The following ARHGEF33 variants were observed in gnomAD, a reference collection of about 807,000 sequenced individuals.
ARHGEF33 encodes the protein Rho guanine nucleotide exchange factor 33.
A neutral mutation model predicts 101.9 loss-of-function variants in ARHGEF33; 72 were observed. The ratio of observed to expected loss-of-function variants is 0.71; its 90% CI spans 0.58 to 0.86. ARHGEF33 has a LOEUF of 0.86. Among genes scored for constraint, ARHGEF33 ranks in the 40% least tolerant of loss-of-function variants. ARHGEF33 has a pLI of 0.00. For missense variants in ARHGEF33, 1,169 were observed against 1,111.3 expected, an observed-to-expected ratio of 1.05 and a Z score of -0.74; for synonymous variants, 499 against 442.5, an observed-to-expected ratio of 1.13 and a Z score of -1.60.
intron 16 of ARHGEF33, among the ~76,000 whole-genome samples, chr2:38,963,845 C>T (rs867937708): frequency 1.1e-4 from 16 of 152,048 alleles, no homozygotes; most frequent in South Asian, 4.2e-4. Flanking sequence ...CAGTGGTCCC[C>T]GACTTTTTTG....
chr2:38,920,976 A>T (rs1383818227), intron 3 of ARHGEF33, among the ~76,000 whole-genome samples: 1 of 152,130 alleles, frequency 6.6e-6, no homozygotes, highest in Admixed American at 6.5e-5. Flanking sequence ...TGAGGTCACT[A>T]AGTGCCTGGT....
In ARHGEF33 at chr2:38,960,136, G is replaced by C; in HGVS notation, c.1831G>C (p.Ala611Pro). The C allele has an allele frequency of 6.5e-7, 1 of 1,542,574 alleles. No homozygotes were observed. Among genetic ancestry groups the C allele is most frequent in the South Asian group, 1.2e-5 (1 of 83,952 alleles). ...LLPDARGFVP[A>P]AYEEFEYGGE... ...GCCCGATGCCCGCGGCTTCGTGCCC[G>C]CGGCCTACGAAGAGTTCGAGTACGG... Residue 611 changes from alanine (A) to proline (P), a missense_variant, in exon 16 of 18, where the codon GCG becomes CCG. Ala to Pro is a conservative substitution (Grantham distance 27). Coordinates refer to ENST00000409978, the MANE Select transcript of ARHGEF33 (RefSeq NM_001145451.5).
chr2:38,935,075 C>T (rs949383948), intron 7 of ARHGEF33, among the ~76,000 whole-genome samples: 1 of 150,660 alleles, frequency 6.6e-6, no homozygotes, highest in Non-Finnish European at 1.5e-5. Context: ...AAACAGCAGG[C>T]ATGAGTTGGG....
Position 38,956,902 on chromosome 2 carries a change from G to A in ARHGEF33, c.1225G>A (p.Val409Ile), listed in dbSNP as rs912428632. 6 of 1,552,218 alleles carry A rather than the reference G, an allele frequency of 3.9e-6. No homozygotes were observed. In the East Asian group the frequency reaches 7.3e-5, roughly 19 times the overall value. ...IPEYLIHLQN[V>I]LKFTEQEHPD... ...CTTCCTTTTCCCCTCCATCCAGAAC[G>A]TCCTGAAGTTCACAGAGCAGGAGCA... Residue 409 changes from valine (V) to isoleucine (I), a missense_variant, in exon 14 of 18, where the codon GTC becomes ATC. Coordinates refer to ENST00000409978, the MANE Select transcript of ARHGEF33 (RefSeq NM_001145451.5).
At position 38,974,023 on chromosome 2, in the gene ARHGEF33, A is replaced by G. The variant is rs1668223938; in HGVS notation, c.*180A>G. 3 of 328,164 alleles carry G rather than the reference A, an allele frequency of 9.1e-6. No individual in the cohort carries two copies. The highest frequency in any genetic ancestry group is 1.4e-5 in the Non-Finnish European group (3 of 219,256). 20.3% of individuals were successfully genotyped at this position (328,164 alleles called of 1,614,324 possible). On this transcript the variant is annotated 3_prime_UTR_variant, in exon 18 of 18. Transcript: ENST00000409978. ...ACTAAACATACAAGACATTGAAGAG[A>G]TGAAGATTAGTTTCTGGTTAAGATC...
chr2:38,950,327 G>T (rs1205335048), intron 10 of ARHGEF33, among the ~76,000 whole-genome samples: 5 of 152,182 alleles, frequency 3.3e-5, no homozygotes, highest in African/African-American at 9.7e-5. Flanking sequence ...AGACTATTTT[G>T]CACATCAAAT....
intron 15 of ARHGEF33, 82 bp downstream of exon 15, chr2:38,958,280 G>C: frequency 6.7e-7 from 1 of 1,490,416 alleles, no homozygotes; most frequent in Non-Finnish European, 9.0e-7. Flanking sequence ...GGGCAGCCTA[G>C]ATTCCTCCAT....
At chr2:38,950,466 T>G (rs1667570518) in intron 10 of ARHGEF33, among the ~76,000 whole-genome samples, 1 of 152,224 alleles carries the variant, frequency 6.6e-6, no homozygotes. Flanking sequence ...TATTTATTTA[T>G]TTTGAGACAG....
intron 13 of ARHGEF33, 63 bp from the exon 14 acceptor site, chr2:38,956,836 G>A: frequency 6.5e-7 from 1 of 1,527,826 alleles, no homozygotes; most frequent in South Asian, 1.2e-5. Flanking sequence ...GTGAGGTGCA[G>A]AAGAGAAAAA....
rs775279111 is a variant in ARHGEF33, at chr2:38,973,825, C to G, written c.2595C>G (p.Asp865Glu). The change falls in exon 18 of 18, where the codon GAC (aspartate) becomes GAG (glutamate). Residue 865 changes from aspartate to glutamate, a missense_variant. Transcript: ENST00000409978. ...GACTTGCTCTTGCAAATGACCTTGA[C>G]CAAGGAACAGCTGTGTAAAACATAC... is the stretch of plus-strand genomic sequence containing the variant. ...RNRLALANDL[D>E]QGTAV 6.5e-7 allele frequency: 1 copy of G among 1,548,080 alleles called. No individual in the cohort carries two copies. Among genetic ancestry groups the G allele is most frequent in the South Asian group, 1.2e-5 (1 of 83,890 alleles).
At chr2:38,945,896 C>T (rs1434744989) in intron 10 of ARHGEF33, among the ~76,000 whole-genome samples, 1 of 152,132 alleles carries the variant, frequency 6.6e-6, no homozygotes, top group Non-Finnish European at 1.5e-5. Flanking sequence ...AGCTTAAAGC[C>T]GCAGAACCAA....
rs144956995 is a variant in ARHGEF33, at chr2:38,961,581, A to T, written c.2343+933A>T. On this transcript the variant is annotated intron_variant, in intron 16 of 17. Coordinates refer to ENST00000409978, the MANE Select transcript of ARHGEF33 (RefSeq NM_001145451.5). The stretch of plus-strand genomic sequence containing the variant: ...CAACTATTCTCATTTTCGAATGGAA[A>T]CAGTGATGACACTGACTTTTCTCAT... Among the ~76,000 whole-genome samples, 322 of 152,318 alleles carry T rather than the reference A, an allele frequency of 2.1e-3. 4 individuals are homozygous for T. The highest frequency in any genetic ancestry group is 6.8e-3 in the African/African-American group (283 of 41,548).
intron 2 of ARHGEF33, among the ~76,000 whole-genome samples, chr2:38,896,305 AT>A (rs1272513428): frequency 2.0e-5 from 3 of 151,952 alleles, no homozygotes; most frequent in African/African-American, 7.3e-5. Context: ...TGCCCAGCTA[AT>A]TTTTGTATTT....
chr2:38,954,023 A>G (rs765001718), intron 12 of ARHGEF33, among the ~76,000 whole-genome samples: 32 of 152,210 alleles, frequency 2.1e-4, no homozygotes, highest in Non-Finnish European at 4.4e-4. Context: ...TTACTACACC[A>G]TTGTCATGAT....
chr2:38,903,106 C>T (rs1215671669), intron 2 of ARHGEF33, among the ~76,000 whole-genome samples: 2 of 152,256 alleles, frequency 1.3e-5, no homozygotes, highest in South Asian at 2.1e-4. Flanking sequence ...TCCCTTATAG[C>T]CCAGGATTTC....
chr2:38,896,578 G>C (rs142739209), intron 2 of ARHGEF33, among the ~76,000 whole-genome samples: 5 of 152,164 alleles, frequency 3.3e-5, no homozygotes, highest in African/African-American at 9.7e-5. Context: ...TGTGGGCTAG[G>C]TAACTATTAT....
intron 2 of ARHGEF33, among the ~76,000 whole-genome samples, chr2:38,914,990 G>A (rs1666601271): frequency 6.6e-6 from 1 of 151,366 alleles, no homozygotes; most frequent in African/African-American, 2.4e-5. Flanking sequence ...TATTTTATCT[G>A]TACAACAATA....
At chr2:38,940,228 T>G (rs1558435629) in intron 9 of ARHGEF33, among the ~76,000 whole-genome samples, 1 of 152,226 alleles carries the variant, frequency 6.6e-6, no homozygotes, top group Non-Finnish European at 1.5e-5. Context: ...TCTTGAATTT[T>G]TCTTAGCAAT....
At position 38,929,615 on chromosome 2, in the gene ARHGEF33, A is replaced by G. The variant is rs567168614; in HGVS notation, c.241-94A>G. The G allele has an allele frequency of 2.9e-4, 288 of 984,636 alleles. 1 individual carries two copies. Among genetic ancestry groups the G allele is most frequent in the Non-Finnish European group, 3.8e-4 (278 of 728,296 alleles). 61.0% of individuals were successfully genotyped at this position (984,636 alleles called of 1,614,324 possible). Reference sequence around the variant, plus strand: ...TCTCATTCATTCATTCATTCATTCAATAAATATGTATTAAAAGTGTACAGT... The same window carrying G: ...TCTCATTCATTCATTCATTCATTCAGTAAATATGTATTAAAAGTGTACAGT... On this transcript the variant is annotated intron_variant, in intron 5 of 17. Transcript: ENST00000409978.
Sources: gnomAD v4.1 joint callset for allele counts (sites outside exome capture counted in the v4.1 genomes callset) on GRCh38, gnomAD v4.1.1 for gene constraint, MANE v1.5 for transcripts, NCBI Gene and HGNC (gene_info 2026-07-23, HGNC 2026-07-21) for gene names.